The following TLR6 variants were observed in gnomAD, a reference collection of about 807,000 sequenced individuals.
The protein encoded by TLR6 is toll-like receptor 6.
TLR6 carries 9 observed loss-of-function variants against 16.1 expected under a neutral mutation model. That is an observed-to-expected ratio of 0.56 (90% CI 0.34 to 0.98). The LOEUF is 0.98. Among genes scored for constraint, TLR6 ranks in the 50% least tolerant of loss-of-function variants. The pLI, the probability that TLR6 is intolerant of heterozygous loss-of-function variation, is 0.02. For missense variants in TLR6, 786 were observed against 921.0 expected, an observed-to-expected ratio of 0.85 and a Z score of 1.90; for synonymous variants, 340 against 338.6, an observed-to-expected ratio of 1.00 and a Z score of -0.04.
chr4:38,840,185 T>C (rs1712183463), intron 1 of TLR6, among the ~76,000 whole-genome samples: 1 of 152,238 alleles, frequency 6.6e-6, no homozygotes, highest in African/African-American at 2.4e-5. Context: ...GTGGCAATGA[T>C]GAAAAATTTA....
chr4:38,837,511 A>G (rs1009423137), intron 1 of TLR6, among the ~76,000 whole-genome samples: 2 of 152,236 alleles, frequency 1.3e-5, no homozygotes, highest in Non-Finnish European at 2.9e-5. Flanking sequence ...TGCTGGCTTC[A>G]TATTCACTCA....
intron 1 of TLR6, among the ~76,000 whole-genome samples, chr4:38,842,777 T>C (rs951304052): frequency 2.0e-5 from 3 of 152,136 alleles, no homozygotes; most frequent in Non-Finnish European, 2.9e-5. Context: ...ACCATCACGT[T>C]GGTAATTAGG....
At chr4:38,848,381 C>A (rs1185610224) in intron 1 of TLR6, among the ~76,000 whole-genome samples, 1 of 152,220 alleles carries the variant, frequency 6.6e-6, no homozygotes, top group African/African-American at 2.4e-5. Flanking sequence ...AGCACCTCTC[C>A]CACTCCAAAG....
At chr4:38,841,936 T>C (rs772225271) in intron 1 of TLR6, among the ~76,000 whole-genome samples, 9 of 152,250 alleles carry the variant, frequency 5.9e-5, no homozygotes, top group Non-Finnish European at 8.8e-5. Context: ...TTTTCATATG[T>C]TTCTCAAATA....
chr4:38,858,448 G>A (rs1157367322), upstream of TLR6, among the ~76,000 whole-genome samples: 3 of 152,120 alleles, frequency 2.0e-5, no homozygotes, highest in African/African-American at 4.8e-5. Flanking sequence ...GGCTGGGCAC[G>A]ATGTCTCATG....
At position 38,827,058 on chromosome 4, in the gene TLR6, C is replaced by CT. The variant is rs749793006; in HGVS notation, c.*24dup. 8.6e-6 allele frequency: 13 copies of CT among 1,509,318 alleles called. No homozygotes were observed. In the East Asian group the frequency reaches 2.8e-4, roughly 33 times the overall value. The allele number at this position is 1,509,318 out of a possible 1,614,324, so 93.5% of individuals were successfully genotyped here. On this transcript the variant is annotated 3_prime_UTR_variant, in exon 2 of 2. Coordinates refer to ENST00000436693, the Ensembl canonical transcript of TLR6. ...CCATCATCCAAGTAAATAATGGTTT[C>CT]TTAAGTTGAATTTCCTAAATTTTTT...
intron 1 of TLR6, among the ~76,000 whole-genome samples, chr4:38,847,906 G>A (rs111826371): frequency 0.21 from 31,505 of 152,208 alleles, 4,051 homozygotes; most frequent in Non-Finnish European, 0.28. Flanking sequence ...AGACTTAAAT[G>A]TCCCTGTCTG....
chr4:38,866,509 A>G, the TLR6 span, among the ~76,000 whole-genome samples: 2 of 151,888 alleles, frequency 1.3e-5, no homozygotes, highest in African/African-American at 4.8e-5. Context: ...ATGAATTAAT[A>G]AATTAATTAA....
chr4:38,831,441 A>T (rs373182367), intron 1 of TLR6, among the ~76,000 whole-genome samples: 1 of 152,364 alleles, frequency 6.6e-6, no homozygotes, highest in African/African-American at 2.4e-5. Context: ...AATCTAGGTG[A>T]CTTTGGATTT....
At chr4:38,828,436 C>T in exon 2 of TLR6, 1 of 1,614,038 alleles carries the variant, frequency 6.2e-7, no homozygotes, top group Non-Finnish European at 8.5e-7. Flanking sequence ...GAGGACACAG[C>T]ATGTGTATAA....
intron 1 of TLR6, among the ~76,000 whole-genome samples, chr4:38,845,394 T>C (rs1190461933): frequency 6.6e-6 from 1 of 152,232 alleles, no homozygotes; most frequent in Non-Finnish European, 1.5e-5. Context: ...ATGTTGTGGA[T>C]GAAATTATAG....
chr4:38,847,135 T>C (rs535638665), intron 1 of TLR6, among the ~76,000 whole-genome samples: 13 of 152,212 alleles, frequency 8.5e-5, no homozygotes, highest in South Asian at 6.2e-4. Context: ...AGGTGAAAAA[T>C]TCACTTGATA....
At chr4:38,861,776 C>T (rs929335242), upstream of TLR6, among the ~76,000 whole-genome samples, 15 of 152,154 alleles carry the variant, frequency 9.9e-5, no homozygotes, top group Non-Finnish European at 1.8e-4. Context: ...TCCAAAATCT[C>T]CTTCTCGTGT....
chr4:38,829,783 T>C (rs1041637054), intron 1 of TLR6, among the ~76,000 whole-genome samples: 2 of 152,220 alleles, frequency 1.3e-5, no homozygotes, highest in African/African-American at 4.8e-5. Flanking sequence ...GCCTGAGGGA[T>C]TCACACTCAG....
chr4:38,855,064 T>C lies in TLR6; in HGVS notation c.-65+1697A>G, dbSNP rs189243626. Among the ~76,000 whole-genome samples the C allele has an allele frequency of 2.0e-3, 309 of 151,806 alleles. 3 individuals are homozygous for C. The highest frequency in any genetic ancestry group is 1.7e-3 in the Non-Finnish European group (117 of 67,896). ...CTACTAAAAAAAAATACAAAAAAAT[T>C]AGCCGGGCGTGGTGGCGGGCGCCTG... On this transcript the variant is annotated intron_variant, in intron 1 of 1. Transcript: ENST00000436693.
intron 1 of TLR6, among the ~76,000 whole-genome samples, chr4:38,854,423 A>G (rs1458795514): frequency 6.6e-6 from 1 of 152,214 alleles, no homozygotes; most frequent in African/African-American, 2.4e-5. Context: ...TTTTAGAAAT[A>G]GGTTTCCAGA....
At chr4:38,842,441 T>A (rs1206747484) in intron 1 of TLR6, among the ~76,000 whole-genome samples, 2 of 152,158 alleles carry the variant, frequency 1.3e-5, no homozygotes, top group Non-Finnish European at 2.9e-5. Flanking sequence ...TGGTCATTTG[T>A]GCCTTGCTGG....
rs750438265 is a variant in TLR6 at position 38,827,990 on chromosome 4, C to A, written c.1484G>T (p.Ser495Ile). ...ATCAATGATCAATACAGAAAGGCTG[C>A]TAAAGCTGCCACATCCAGGAAGGTC... Residue 495 changes from serine (S) to isoleucine (I), a missense_variant, in exon 2 of 2, where the codon AGC becomes ATC. Coordinates refer to ENST00000436693, the Ensembl canonical transcript of TLR6. 5 of 1,614,080 alleles carry A rather than the reference C, an allele frequency of 3.1e-6. No homozygotes were observed. In the South Asian group the frequency reaches 4.4e-5, roughly 14 times the overall value.
chr4:38,858,713 C>G (rs190714526), upstream of TLR6, among the ~76,000 whole-genome samples: 71 of 138,112 alleles, frequency 5.1e-4, no homozygotes, highest in African/African-American at 1.8e-3. Context: ...GAGTGAGACT[C>G]TGGCTCAAAA....
Sources: gnomAD v4.1 joint callset for allele counts (sites outside exome capture counted in the v4.1 genomes callset) on GRCh38, gnomAD v4.1.1 for gene constraint, MANE v1.5 for transcripts, NCBI Gene and HGNC (gene_info 2026-07-23, HGNC 2026-07-21) for gene names.